The following KIF21B variants were observed in gnomAD, a reference collection of about 807,000 sequenced individuals.
The protein encoded by KIF21B is kinesin family member 21B.
A neutral mutation model predicts 192.9 loss-of-function variants in KIF21B; 85 were observed. That is an observed-to-expected ratio of 0.44 (90% confidence interval 0.37 to 0.53). The LOEUF (loss-of-function observed/expected upper bound fraction) is 0.53, where lower values mean the gene tolerates loss of function less well. Ranked by LOEUF, KIF21B falls within the 20% of genes least tolerant of loss-of-function variation. The pLI, the probability that KIF21B is intolerant of heterozygous loss-of-function variation, is 0.00. For missense variants in KIF21B, 1,716 were observed against 2,194.8 expected, an observed-to-expected ratio of 0.78 and a Z score of 4.36; for synonymous variants, 832 against 884.6, an observed-to-expected ratio of 0.94 and a Z score of 1.05.
chr1:200,973,585 TGGA>T lies in KIF21B; in HGVS notation c.4815-10_4815-8del, dbSNP rs1325649209. ...GAACTTCACCGTCAGGTCACTGGGG[TGGA>T]GGACAAAGTGGAGGGGTGCCGGTCA... On this transcript the variant is annotated splice_polypyrimidine_tract_variant and splice_region_variant and intron_variant, in intron 34 of 34. Transcript: ENST00000461742. 3.9e-6 allele frequency: 6 copies of T among 1,519,182 alleles called. No homozygotes were observed. The highest frequency in any genetic ancestry group is 4.4e-6 in the Non-Finnish European group (5 of 1,141,782). The allele number at this position is 1,519,182 out of a possible 1,614,324, so 94.1% of individuals were successfully genotyped here.
intron 21 of KIF21B, 35 bp downstream of exon 21, chr1:200,989,907 A>G (rs1656565282): frequency 6.5e-7 from 1 of 1,540,952 alleles, no homozygotes; most frequent in Admixed American, 1.7e-5. Context: ...ATCTGTGCCC[A>G]TAGAGCCCCC....
rs112753120 is a variant in KIF21B at position 200,994,216 on chromosome 1, C to T, written c.2278-1827G>A. Among the ~76,000 whole-genome samples, 290 of 152,364 alleles carry T rather than the reference C, an allele frequency of 1.9e-3. 2 individuals are homozygous for T. The highest frequency in any genetic ancestry group is 6.4e-3 in the African/African-American group (268 of 41,576). ...GCACATGACAAGCGGAAACATGCCA[C>T]GGTACCCGAGACCAGCATCACTTCG... On this transcript the variant is annotated intron_variant, in intron 15 of 34. Coordinates refer to ENST00000461742, the MANE Select transcript of KIF21B (RefSeq NM_001252102.2).
At position 201,009,456 on chromosome 1, in the gene KIF21B, T is replaced by C. The variant is rs923595555; in HGVS notation, c.74A>G (p.Glu25Gly). Residue 25 changes from glutamate to glycine, a missense_variant, in exon 2 of 35, where the codon GAG becomes GGG. Glu to Gly is a moderately conservative substitution (Grantham distance 98, BLOSUM62 -2). Coordinates refer to ENST00000461742, the MANE Select transcript of KIF21B (RefSeq NM_001252102.2). Reference sequence around the variant, plus strand: ...AACAGAGGTACAGATGTGACAGCCCTCAATCTTCTCCTTCGACAGCTGGGG... The same window carrying C: ...AACAGAGGTACAGATGTGACAGCCCCCAATCTTCTCCTTCGACAGCTGGGG... Reference protein sequence around the residue: ...IRPQLSKEKIEGCHICTSVTP... With the variant: ...IRPQLSKEKIGGCHICTSVTP... The C allele has an allele frequency of 6.2e-7, 1 of 1,614,192 alleles. No individual in the cohort carries two copies. The highest frequency in any genetic ancestry group is 1.3e-5 in the African/African-American group (1 of 75,054).
intron 3 of KIF21B, among the ~76,000 whole-genome samples, chr1:201,007,173 CACACACACAGACACAG>C (rs1455718824): frequency 6.8e-6 from 1 of 146,390 alleles, no homozygotes; most frequent in South Asian, 2.1e-4. Flanking sequence ...GACACACAGA[CACACACACAGACACAG>C]AGACACACAG....
At chr1:200,986,026 C>T (rs572723424) in intron 26 of KIF21B, among the ~76,000 whole-genome samples, 1 of 151,240 alleles carries the variant, frequency 6.6e-6, no homozygotes, top group Non-Finnish European at 1.5e-5. Context: ...TTTTGTATTT[C>T]AGTAGAGACT....
Position 201,005,591 on chromosome 1 carries a change from A to T in KIF21B, c.551T>A (p.Ile184Asn). ...GCGAGAAGTGACGCCAGTGGTGTAG[A>T]TGCCACCGTTTGCGTCCTCGTGGAT... ...IKIHEDANGG[I>N]YTTGVTSRLI... The change falls in exon 4 of 35, where the codon ATC becomes AAC. Residue 184 changes from isoleucine (I) to asparagine (N), a missense_variant. By Grantham distance (149) the Ile-to-Asn change is moderately radical. Coordinates refer to ENST00000461742, the MANE Select transcript of KIF21B (RefSeq NM_001252102.2). 6.2e-7 allele frequency: 1 copy of T among 1,614,174 alleles called. No individual in the cohort carries two copies. The highest frequency in any genetic ancestry group is 8.5e-7 in the Non-Finnish European group (1 of 1,180,020).
chr1:201,015,911 C>T (rs766541017), intron 1 of KIF21B, among the ~76,000 whole-genome samples: 17 of 152,318 alleles, frequency 1.1e-4, no homozygotes, highest in Non-Finnish European at 2.2e-4. Context: ...AGAAATCATT[C>T]GTCATTGATA....
At chr1:200,974,116 GC>G in intron 34 of KIF21B, 1 of 1,607,898 alleles carries the variant, frequency 6.2e-7, no homozygotes, top group Non-Finnish European at 8.5e-7. Context: ...TGGTGGCGCG[GC>G]CCTTTATGGC....
At chr1:200,991,951 A>G (rs974052560) in intron 16 of KIF21B, among the ~76,000 whole-genome samples, 2 of 152,268 alleles carry the variant, frequency 1.3e-5, no homozygotes, top group Non-Finnish European at 2.9e-5. Flanking sequence ...TCTTCCCTCC[A>G]GTGAGGAGGA....
In KIF21B at chr1:201,004,408, C is replaced by A; in HGVS notation, c.948G>T (p.Lys316Asn). 6.3e-7 allele frequency: 1 copy of A among 1,582,546 alleles called. No individual in the cohort carries two copies. The highest frequency in any genetic ancestry group is 8.6e-7 in the Non-Finnish European group (1 of 1,163,536). ...AGTCCCTGTAGGGAACGTGCACCACCTTCTTGCTCTGGTCCCCTAAGGCGC... is the reference window on the plus strand; with the variant it reads ...AGTCCCTGTAGGGAACGTGCACCACATTCTTGCTCTGGTCCCCTAAGGCGC... ...VISALGDQSK[K>N]VVHVPYRDSK... The change falls in exon 7 of 35, where the codon AAG becomes AAT. Residue 316 changes from lysine (K) to asparagine (N), a missense_variant. By Grantham distance (94) the Lys-to-Asn change is moderately conservative. Transcript: ENST00000461742.
intron 1 of KIF21B, among the ~76,000 whole-genome samples, chr1:201,018,147 T>C (rs1027892349): frequency 1.3e-5 from 2 of 152,092 alleles, no homozygotes; most frequent in African/African-American, 4.8e-5. Flanking sequence ...GAGGGTAAAA[T>C]GAAAGGCTAG....
Position 200,998,147 on chromosome 1 carries a change from G to C in KIF21B, c.2077+237C>G, listed in dbSNP as rs181499167. On this transcript the variant is annotated intron_variant, in intron 14 of 34. Transcript: ENST00000461742. The surrounding 1 kb of genome is among the most constrained non-coding windows in gnomAD (Gnocchi z 4.3). ...ATGTTCGCGTGCCTAGGTATATAAA[G>C]AATTCTAATACATGACGTGATAGCA... 2.0e-3 allele frequency among the ~76,000 whole-genome samples: 309 copies of C among 152,264 alleles called. 4 individuals carry two copies. The highest frequency in any genetic ancestry group is 7.0e-3 in the African/African-American group (292 of 41,540).
chr1:200,977,073 G>T, intron 31 of KIF21B, 139 bp downstream of exon 31: 1 of 1,103,276 alleles, frequency 9.1e-7, no homozygotes, highest in Non-Finnish European at 1.3e-6. Context: ...CACTGGAGAG[G>T]GCACAGGCCC....
rs1426277589 is a variant in KIF21B at position 201,005,302 on chromosome 1, C to T, written c.732+6G>A. 2 of 1,585,196 alleles carry T rather than the reference C, an allele frequency of 1.3e-6. No individual in the cohort carries two copies. The highest frequency in any genetic ancestry group is 2.2e-5 in the East Asian group (1 of 44,568). ...CTGGCTCCTGGGCCCCCTGCAGGCT[C>T]CTCACCAGGTCGGGCTGGGTGCACA... On this transcript the variant is annotated splice_donor_region_variant and intron_variant, in intron 5 of 34. Coordinates refer to ENST00000461742, the MANE Select transcript of KIF21B (RefSeq NM_001252102.2).
At chr1:201,016,627 G>A (rs1658521725) in intron 1 of KIF21B, among the ~76,000 whole-genome samples, 1 of 152,176 alleles carries the variant, frequency 6.6e-6, no homozygotes, top group South Asian at 2.1e-4. Flanking sequence ...TATAAAACAG[G>A]GTGGCAAGAT....
chr1:200,990,782 T>C lies in KIF21B; in HGVS notation c.2688-59A>G. The C allele has an allele frequency of 6.2e-7, 1 of 1,600,608 alleles. No homozygotes were observed. The highest frequency in any genetic ancestry group is 8.5e-7 in the Non-Finnish European group (1 of 1,170,198). ...CTCCTTTTAACCTCTGCAGCTCCAC[T>C]GAGCCCCCATCTGGAGCTGACAGCC... On this transcript the variant is annotated intron_variant, in intron 18 of 34. Coordinates refer to ENST00000461742, the MANE Select transcript of KIF21B (RefSeq NM_001252102.2). The surrounding 1 kb of genome is among the most constrained non-coding windows in gnomAD (Gnocchi z 5.4).
At chr1:200,987,401 C>T (rs182250510) in intron 24 of KIF21B, among the ~76,000 whole-genome samples, 200 bp from the exon 25 acceptor site, 168 of 111,252 alleles carry the variant, frequency 1.5e-3, no homozygotes, top group African/African-American at 8.0e-3. Context: ...CCACCATAGC[C>T]GGATAATTAA....
chr1:200,979,665 G>C lies in KIF21B; in HGVS notation c.4030C>G (p.Leu1344Val). The change falls in exon 30 of 35, where the codon CTA becomes GTA. Residue 1344 changes from leucine to valine, a missense_variant. Physicochemically the swap from Leu to Val is conservative, Grantham distance 32. Around this residue, in one of 3 missense-constraint regions of KIF21B, gnomAD observed 580 missense variants for 775.5 expected, o/e 0.75. Coordinates refer to ENST00000461742, the MANE Select transcript of KIF21B (RefSeq NM_001252102.2). ...NLVTGQEIAA[L>V]KGHPNNVVSI... ...ACCACGTTGTTGGGGTGGCCCTTTAGAGCTGCGATCTCCTGTCCCGTAACC... is the reference window on the plus strand; with the variant it reads ...ACCACGTTGTTGGGGTGGCCCTTTACAGCTGCGATCTCCTGTCCCGTAACC... The C allele has an allele frequency of 1.9e-6, 3 of 1,583,456 alleles. No homozygotes were observed. In the Middle Eastern group the frequency reaches 5.0e-4, roughly 264 times the overall value.
Position 201,005,682 on chromosome 1 carries a change from C to G in KIF21B, c.460G>C (p.Glu154Gln). The stretch of plus-strand genomic sequence containing the variant: ...GTGCTGTCAAACAGGTCAAGGATCT[C>G]CTCGTTGTAGAGCTGTGCAGGAAGG... ...SAQFLELYNE[E>Q]ILDLFDSTRD... Residue 154 changes from glutamate to glutamine, a missense_variant, in exon 4 of 35, where the codon GAG becomes CAG. By Grantham distance (29) the Glu-to-Gln change is conservative (BLOSUM62 2). Around this residue, in one of 3 missense-constraint regions of KIF21B, gnomAD observed 1,087 missense variants for 1,316.6 expected, o/e 0.83. Coordinates refer to ENST00000461742, the MANE Select transcript of KIF21B (RefSeq NM_001252102.2). The G allele has an allele frequency of 6.2e-7, 1 of 1,614,050 alleles. No individual in the cohort carries two copies. Among genetic ancestry groups the G allele is most frequent in the Non-Finnish European group, 8.5e-7 (1 of 1,180,006 alleles).
Sources: allele counts gnomAD v4.1 joint callset (sites outside exome capture counted in the v4.1 genomes callset), GRCh38; gene constraint gnomAD v4.1.1; regional missense constraint gnomAD v4.1.1; non-coding constraint Gnocchi (gnomAD v3.1); transcripts MANE v1.5; gene names NCBI Gene and HGNC (gene_info 2026-07-23, HGNC 2026-07-21).